ELMO2: variants seen among roughly 807,000 people sequenced by gnomAD.
ELMO2 encodes the protein engulfment and cell motility protein 2.
ELMO2 carries 37 observed loss-of-function variants against 96.2 expected under a neutral mutation model. That is an observed-to-expected ratio of 0.38 (90% CI 0.30 to 0.51). ELMO2 has a LOEUF of 0.51. Among genes scored for constraint, ELMO2 ranks in the 20% least tolerant of loss-of-function variants. ELMO2 has a pLI of 0.88. For synonymous variants in ELMO2, 315 were observed against 329.4 expected (o/e 0.96, Z 0.47); for missense variants, 561 against 912.6 (o/e 0.61, Z 4.96).
In ELMO2 at chr20:46,394,317, C is replaced by T. The variant is rs562036986; in HGVS notation, c.78+88G>A. ...TGTTGCTCGTTCTTACTCTTGATGC[C>T]GGTGGTCCCCATCCCTCAAGATGTC... On this transcript the variant is annotated intron_variant, in intron 3 of 21. Transcript: ENST00000290246. 3.9e-3 allele frequency: 5,622 copies of T among 1,425,268 alleles called. 13 individuals carry two copies. Among genetic ancestry groups the T allele is most frequent in the Non-Finnish European group, 5.0e-3 (5,054 of 1,016,434 alleles). 88.3% of individuals were successfully genotyped at this position (1,425,268 alleles called of 1,614,324 possible).
rs753776072 is a variant in ELMO2, at chr20:46,368,945, G to A, written c.1908C>T (p.Ser636=). The A allele has an allele frequency of 6.8e-6, 11 of 1,614,098 alleles. No individual in the cohort carries two copies. In the Admixed American group the frequency reaches 1.8e-4, roughly 27 times the overall value. ...AGGTCTCATCAGGGTCATACAGGAT[G>A]GAGAAGGCCAATTCCAACACCTCCT... The part of the protein sequence containing the change: ...QNKEVLELAF[S]ILYDPDETLN... Residue 636 remains serine (S), a synonymous_variant, in exon 21 of 22, where the codon TCC becomes TCT. Coordinates refer to ENST00000290246, the MANE Select transcript of ELMO2 (RefSeq NM_133171.5).
intron 9 of ELMO2, among the ~76,000 whole-genome samples, chr20:46,385,429 C>T (rs1039559771): frequency 1.3e-5 from 2 of 152,204 alleles, no homozygotes; most frequent in African/African-American, 4.8e-5. Context: ...GAATACCTAA[C>T]CCAGGTTGGC....
chr20:46,386,416 C>T (rs1037635215), intron 8 of ELMO2, 141 bp from the exon 9 acceptor site: 20 of 1,148,330 alleles, frequency 1.7e-5, no homozygotes, highest in Admixed American at 2.6e-5. Context: ...ATCTGGTTTA[C>T]GGCTACCCTG....
intron 11 of ELMO2, chr20:46,376,701 C>T: frequency 7.8e-7 from 1 of 1,289,504 alleles, no homozygotes; most frequent in Non-Finnish European, 1.0e-6. Context: ...CTGTCTCACC[C>T]ACCATTATGA....
At position 46,377,879 on chromosome 20, in the gene ELMO2, C is replaced by G. The variant is rs549135863; in HGVS notation, c.808-2089G>C. ...AACTTCCCTTCCTTCCCACTCCCCC[C>G]AGTCTCTCTCATGGCCAGGGGCTCT... On this transcript the variant is annotated intron_variant, in intron 11 of 21. Transcript: ENST00000290246. 4.7e-4 allele frequency among the ~76,000 whole-genome samples: 72 copies of G among 152,290 alleles called. 1 individual carries two copies. In the South Asian group the frequency reaches 0.012, roughly 25 times the overall value.
intron 9 of ELMO2, 87 bp from the exon 10 acceptor site, chr20:46,383,581 C>G: frequency 7.9e-7 from 1 of 1,272,468 alleles, no homozygotes; most frequent in South Asian, 1.2e-5. Flanking sequence ...CAATCACTCA[C>G]AGATTATAAG....
At chr20:46,373,191 C>T (rs1353103085) in intron 16 of ELMO2, 8 of 600,460 alleles carry the variant, frequency 1.3e-5, no homozygotes, top group East Asian at 3.0e-5. Context: ...TGAGGGCCTA[C>T]GGCACCAAGT....
intron 1 of ELMO2, among the ~76,000 whole-genome samples, chr20:46,403,983 C>T (rs1381376343): frequency 6.6e-6 from 1 of 152,166 alleles, no homozygotes; most frequent in African/African-American, 2.4e-5. Flanking sequence ...ACTCAGGAGG[C>T]TGAGGCACAA....
chr20:46,406,031 G>A (rs1229900747), intron 1 of ELMO2, among the ~76,000 whole-genome samples: 1 of 152,224 alleles, frequency 6.6e-6, no homozygotes, highest in Non-Finnish European at 1.5e-5. Flanking sequence ...TCAAGGGTGA[G>A]CGCAGGAGGT....
At position 46,389,043 on chromosome 20, in the gene ELMO2, A is replaced by G. The variant is rs1445669041; in HGVS notation, c.421T>C (p.Ser141Pro). Residue 141 changes from serine (S) to proline (P), a missense_variant, in exon 7 of 22, where the codon TCC becomes CCC. Transcript: ENST00000290246. The stretch of plus-strand genomic sequence containing the variant: ...CGAGACCTTAGTCATACTCACTGGG[A>G]CAAGAGCTTGGTTCCACTTTCCACG... Reference protein sequence around the residue: ...RLVESGTKLLSHYSEMLAFTL... With the variant: ...RLVESGTKLLPHYSEMLAFTL... The G allele has an allele frequency of 6.2e-7, 1 of 1,613,690 alleles. No homozygotes were observed. The highest frequency in any genetic ancestry group is 1.1e-5 in the South Asian group (1 of 91,044).
At chr20:46,391,009 T>A (rs1242854106) in intron 6 of ELMO2, 2 of 152,494 alleles carry the variant, frequency 1.3e-5, no homozygotes, top group Non-Finnish European at 2.9e-5. Flanking sequence ...ATTTTCCTCC[T>A]GAGACAGCAT....
intron 8 of ELMO2, 133 bp downstream of exon 8, chr20:46,387,205 G>C (rs1171462588): frequency 1.5e-6 from 1 of 687,612 alleles, no homozygotes; most frequent in Non-Finnish European, 2.5e-6. Flanking sequence ...ACTAGAGCTT[G>C]AGGATGAAAA....
intron 16 of ELMO2, chr20:46,373,103 C>A: frequency 3.0e-6 from 1 of 338,594 alleles, no homozygotes; most frequent in Non-Finnish European, 5.5e-6. Context: ...CTCAATAAAC[C>A]ACAGTGAGTC....
At chr20:46,393,627 C>G (rs1490376467) in intron 4 of ELMO2, 26 bp from the exon 5 acceptor site, 13 of 1,609,302 alleles carry the variant, frequency 8.1e-6, no homozygotes, top group Non-Finnish European at 1.1e-5. Flanking sequence ...ACAGTATATC[C>G]CACTTGGCCA....
intron 11 of ELMO2, chr20:46,377,079 A>C: frequency 3.8e-6 from 1 of 260,332 alleles, no homozygotes; most frequent in Non-Finnish European, 7.5e-6. Context: ...GCTCCTTCTA[A>C]CTTTGGATCA....
At chr20:46,397,666 A>C (rs1300753143) in intron 2 of ELMO2, among the ~76,000 whole-genome samples, 3 of 152,184 alleles carry the variant, frequency 2.0e-5, no homozygotes, top group South Asian at 2.1e-4. Flanking sequence ...ATGAGACTCC[A>C]TCATAAATAA....
chr20:46,392,128 A>T (rs1304814626), intron 6 of ELMO2, among the ~76,000 whole-genome samples: 2 of 152,084 alleles, frequency 1.3e-5, no homozygotes, highest in East Asian at 3.9e-4. Flanking sequence ...CAGTTTACTA[A>T]ATCTCTCTGC....
At chr20:46,394,346 T>C (rs2060208511) in intron 3 of ELMO2, 59 bp downstream of exon 3, 1 of 1,567,412 alleles carries the variant, frequency 6.4e-7, no homozygotes. Flanking sequence ...AGATGTCCTC[T>C]GCCATGCACT....
In ELMO2 at chr20:46,371,472, G is replaced by C. The variant is rs1293462038; in HGVS notation, c.1694-13C>G. 1 of 1,614,168 alleles carries C rather than the reference G, an allele frequency of 6.2e-7. No homozygotes were observed. Among genetic ancestry groups the C allele is most frequent in the Non-Finnish European group, 8.5e-7 (1 of 1,180,010 alleles). Reference sequence around the variant, plus strand: ...TACCAGAACCGTTCTGGAACACAAGGGAAGCCAAACAGGTGAGCAACGACA... The same window carrying C: ...TACCAGAACCGTTCTGGAACACAAGCGAAGCCAAACAGGTGAGCAACGACA... On this transcript the variant is annotated splice_polypyrimidine_tract_variant and intron_variant, in intron 18 of 21. Transcript: ENST00000290246. The surrounding 1 kb of genome is among the most constrained non-coding windows in gnomAD (Gnocchi z 5.9).
Sources: allele counts gnomAD v4.1 joint callset (sites outside exome capture counted in the v4.1 genomes callset), GRCh38; gene constraint gnomAD v4.1.1; non-coding constraint Gnocchi (gnomAD v3.1); transcripts MANE v1.5; gene names NCBI Gene and HGNC (gene_info 2026-07-23, HGNC 2026-07-21).